Variants in DOCK4 observed in about 807,000 individuals in gnomAD.
The protein encoded by DOCK4 is dedicator of cytokinesis 4, also known as dedicator of cytokinesis protein 4.
DOCK4 carries 97 observed loss-of-function variants against 268.1 expected under a neutral mutation model. That is an observed-to-expected ratio of 0.36 (90% CI 0.31 to 0.43). The LOEUF is 0.43. Ranked by LOEUF, DOCK4 falls within the 20% of genes least tolerant of loss-of-function variation. The pLI is 1.00. For synonymous variants in DOCK4, 954 were observed against 887.2 expected, an observed-to-expected ratio of 1.08 and a Z score of -1.34; for missense variants, 2,145 against 2,455.7, an observed-to-expected ratio of 0.87 and a Z score of 2.67.
At chr7:112,031,964 G>T (rs1803316224) in intron 1 of DOCK4, among the ~76,000 whole-genome samples, 1 of 152,130 alleles carries the variant, frequency 6.6e-6, no homozygotes, top group Admixed American at 6.6e-5. Context: ...AAAAAAGAAG[G>T]CAGTGGGTTT....
intron 1 of DOCK4, among the ~76,000 whole-genome samples, chr7:112,122,076 T>C (rs558717298): frequency 4.6e-5 from 7 of 152,218 alleles, no homozygotes; most frequent in Non-Finnish European, 4.4e-5. Flanking sequence ...GATATTAACA[T>C]TGTCATACTT....
At chr7:112,008,814 C>G (rs931638318) in intron 1 of DOCK4, among the ~76,000 whole-genome samples, 1 of 152,074 alleles carries the variant, frequency 6.6e-6, no homozygotes, top group African/African-American at 2.4e-5. Context: ...GCTAACATGG[C>G]GAAACCCCGT....
intron 22 of DOCK4, among the ~76,000 whole-genome samples, chr7:111,864,240 A>C (rs1586207657): frequency 1.6e-5 from 2 of 124,814 alleles, no homozygotes; most frequent in African/African-American, 6.8e-5. Context: ...CAATATTTTT[A>C]TGTAAAAAAA....
intron 1 of DOCK4, among the ~76,000 whole-genome samples, chr7:112,041,703 C>A (rs192273675): frequency 3.9e-5 from 6 of 152,292 alleles, no homozygotes; most frequent in Admixed American, 3.9e-4. Flanking sequence ...TATTAACTTA[C>A]ATTTTGGAAA....
intron 1 of DOCK4, among the ~76,000 whole-genome samples, chr7:112,169,394 T>C (rs1817881984): frequency 6.6e-6 from 1 of 152,160 alleles, no homozygotes; most frequent in Non-Finnish European, 1.5e-5. Context: ...GCAATACAGC[T>C]TGAAAAATGA....
chr7:112,150,434 C>T (rs1247521770), intron 1 of DOCK4, among the ~76,000 whole-genome samples: 1 of 152,128 alleles, frequency 6.6e-6, no homozygotes, highest in Non-Finnish European at 1.5e-5. Context: ...TGTCTATGCC[C>T]CTCATACTTG....
At chr7:112,173,471 A>G (rs1207885889) in intron 1 of DOCK4, among the ~76,000 whole-genome samples, 1 of 152,150 alleles carries the variant, frequency 6.6e-6, no homozygotes, top group Admixed American at 6.5e-5. Context: ...TCCCTAAGGA[A>G]TCATTTCCTA....
In DOCK4 at chr7:111,802,764, C is replaced by T. The variant is rs540959826; in HGVS notation, c.3166+6057G>A. Among the ~76,000 whole-genome samples the T allele has an allele frequency of 5.7e-3, 872 of 152,212 alleles. 4 individuals are homozygous for T. Among genetic ancestry groups the T allele is most frequent in the African/African-American group, 0.02 (820 of 41,514 alleles). On this transcript the variant is annotated intron_variant, in intron 30 of 52. Transcript: ENST00000428084. ...TTTTTAATATGAAAAATTTCAAACG[C>T]ACACAAAATCACAGAAAATAGTTAA... is the stretch of plus-strand genomic sequence containing the variant.
At chr7:111,976,190 ACG>A (rs1415092256) in intron 8 of DOCK4, among the ~76,000 whole-genome samples, 6,119 of 77,142 alleles carry the variant, frequency 0.079, 1,130 homozygotes, top group African/African-American at 0.16. Flanking sequence ...ACACACACAC[ACG>A]CACACACGCA....
intron 16 of DOCK4, among the ~76,000 whole-genome samples, chr7:111,891,343 TA>T (rs1375848649): frequency 1.3e-5 from 2 of 152,166 alleles, no homozygotes; most frequent in Non-Finnish European, 2.9e-5. Flanking sequence ...AGCAATTTTA[TA>T]AAAATGGTAT....
At chr7:112,076,330 A>C (rs1808065542) in intron 1 of DOCK4, among the ~76,000 whole-genome samples, 1 of 152,140 alleles carries the variant, frequency 6.6e-6, no homozygotes, top group African/African-American at 2.4e-5. Flanking sequence ...AATCATATTC[A>C]TTAATTTAGA....
chr7:111,989,200 T>C (rs1455417709), intron 5 of DOCK4, 37 bp from the exon 6 acceptor site: 2 of 1,611,018 alleles, frequency 1.2e-6, no homozygotes, highest in South Asian at 2.2e-5. Flanking sequence ...TGGCAGTCAG[T>C]ACCTATACTG....
At chr7:112,057,133 G>T (rs1805888302) in intron 1 of DOCK4, among the ~76,000 whole-genome samples, 1 of 152,112 alleles carries the variant, frequency 6.6e-6, no homozygotes, top group South Asian at 2.1e-4. Context: ...GAGCATATTT[G>T]CTGGGCAAGG....
At chr7:112,149,166 A>G (rs1418214577) in intron 1 of DOCK4, among the ~76,000 whole-genome samples, 1 of 152,214 alleles carries the variant, frequency 6.6e-6, no homozygotes, top group African/African-American at 2.4e-5. Flanking sequence ...ATTAATGCCT[A>G]TGGCATAAAA....
At chr7:112,154,511 C>T (rs566392505) in intron 1 of DOCK4, among the ~76,000 whole-genome samples, 1 of 152,256 alleles carries the variant, frequency 6.6e-6, no homozygotes, top group African/African-American at 2.4e-5. Context: ...TCACAAATGT[C>T]CTTCCACGCT....
At chr7:112,022,542 C>T (rs1047602947) in intron 1 of DOCK4, among the ~76,000 whole-genome samples, 1 of 152,178 alleles carries the variant, frequency 6.6e-6, no homozygotes, top group Non-Finnish European at 1.5e-5. Context: ...TTATTAACGA[C>T]GTGAGCCCAG....
intron 1 of DOCK4, among the ~76,000 whole-genome samples, chr7:112,076,617 C>T (rs1170472395): frequency 6.6e-6 from 1 of 152,106 alleles, no homozygotes; most frequent in Admixed American, 6.6e-5. Flanking sequence ...TTCCCCAAAA[C>T]CTCATCTTGT....
intron 8 of DOCK4, among the ~76,000 whole-genome samples, chr7:111,954,049 T>A (rs186398142): frequency 6.6e-6 from 1 of 152,224 alleles, no homozygotes; most frequent in African/African-American, 2.4e-5. Context: ...TATTAATATA[T>A]CTCATTTATG....
intron 6 of DOCK4, among the ~76,000 whole-genome samples, chr7:111,986,691 G>T (rs1018082662): frequency 1.3e-5 from 2 of 152,186 alleles, no homozygotes; most frequent in African/African-American, 4.8e-5. Context: ...AGAACATCGT[G>T]TTGTAGGACT....
Sources: gnomAD v4.1 joint callset for allele counts (sites outside exome capture counted in the v4.1 genomes callset) on GRCh38, gnomAD v4.1.1 for gene constraint, MANE v1.5 for transcripts, NCBI Gene and HGNC (gene_info 2026-07-23, HGNC 2026-07-21) for gene names.